The following CCSER1 variants were observed in gnomAD, a reference collection of about 807,000 sequenced individuals.
CCSER1 encodes serine-rich coiled-coil domain-containing protein 1.
A neutral mutation model predicts 82.0 loss-of-function variants in CCSER1; 41 were observed. The observed-to-expected ratio is 0.50, with a 90% confidence interval of 0.39 to 0.65. The LOEUF is 0.65. CCSER1 is among the 30% of genes least tolerant of loss of function. The pLI is 0.00. For synonymous variants in CCSER1, 414 were observed against 383.9 expected (o/e 1.08, Z -0.92); for missense variants, 1,119 against 1,064.2 (o/e 1.05, Z -0.72).
intron 3 of CCSER1, among the ~76,000 whole-genome samples, chr4:90,346,439 G>T (rs534828346): frequency 6.6e-6 from 1 of 151,738 alleles, no homozygotes; most frequent in African/African-American, 2.4e-5. Context: ...TTCAATTATA[G>T]CTAGATTGTC....
At chr4:90,833,947 C>T (rs1342009713) in intron 8 of CCSER1, among the ~76,000 whole-genome samples, 1 of 152,150 alleles carries the variant, frequency 6.6e-6, no homozygotes, top group African/African-American at 2.4e-5. Flanking sequence ...CTGTTTGCTT[C>T]TGCTTTCTGG....
At chr4:90,641,087 T>C (rs1726426190) in intron 6 of CCSER1, among the ~76,000 whole-genome samples, 2 of 152,258 alleles carry the variant, frequency 1.3e-5, no homozygotes, top group Admixed American at 1.3e-4. Context: ...CTAGATAATT[T>C]TAAGTTTTCC....
At chr4:90,295,756 A>C (rs1233762575) in intron 1 of CCSER1, among the ~76,000 whole-genome samples, 2 of 152,062 alleles carry the variant, frequency 1.3e-5, no homozygotes, top group Non-Finnish European at 2.9e-5. Flanking sequence ...AGTGCTCCAG[A>C]GCTTTCCCAT....
At chr4:91,004,308 C>CTAA (rs1015995009) in intron 9 of CCSER1, among the ~76,000 whole-genome samples, 3 of 152,190 alleles carry the variant, frequency 2.0e-5, no homozygotes, top group Non-Finnish European at 4.4e-5. Context: ...CTGCCACCTC[C>CTAA]TAAGCCTTTC....
At chr4:90,979,189 T>C (rs1486179188) in intron 9 of CCSER1, among the ~76,000 whole-genome samples, 1 of 151,390 alleles carries the variant, frequency 6.6e-6, no homozygotes, top group Non-Finnish European at 1.5e-5. Flanking sequence ...TATATGTATG[T>C]ATACAAAACA....
intron 4 of CCSER1, among the ~76,000 whole-genome samples, chr4:90,459,593 C>T (rs1687529743): frequency 6.6e-6 from 1 of 152,088 alleles, no homozygotes; most frequent in South Asian, 2.1e-4. Context: ...CTGATGGTTT[C>T]TAGATGGCTT....
chr4:90,695,064 TTA>T (rs201134203), intron 6 of CCSER1, among the ~76,000 whole-genome samples: 6 of 148,100 alleles, frequency 4.1e-5, no homozygotes, highest in South Asian at 4.2e-4. Flanking sequence ...TTATTTATAT[TTA>T]TATATATATG....
At chr4:91,584,787 GT>G (rs1763906499) in intron 10 of CCSER1, among the ~76,000 whole-genome samples, 1 of 150,970 alleles carries the variant, frequency 6.6e-6, no homozygotes, top group Admixed American at 6.6e-5. Flanking sequence ...AAAAATTATT[GT>G]TTTGCATTTT....
At chr4:90,899,463 T>C (rs1049474043) in intron 8 of CCSER1, among the ~76,000 whole-genome samples, 2 of 152,084 alleles carry the variant, frequency 1.3e-5, no homozygotes, top group Non-Finnish European at 2.9e-5. Context: ...GCCTGATTGC[T>C]CTGGCAAGGA....
chr4:90,242,497 A>G (rs1720534485), intron 1 of CCSER1, among the ~76,000 whole-genome samples: 1 of 152,224 alleles, frequency 6.6e-6, no homozygotes, highest in Non-Finnish European at 1.5e-5. Context: ...ACAAAAAAGC[A>G]TATGAAAAGG....
chr4:91,079,816 CAAAG>C (rs776662340), intron 9 of CCSER1, among the ~76,000 whole-genome samples: 4 of 152,154 alleles, frequency 2.6e-5, no homozygotes, highest in African/African-American at 7.2e-5. Context: ...TCAAAAGAGA[CAAAG>C]AAGACCTATG....
At chr4:91,147,043 A>C (rs1406699772) in intron 10 of CCSER1, among the ~76,000 whole-genome samples, 1 of 152,116 alleles carries the variant, frequency 6.6e-6, no homozygotes, top group Non-Finnish European at 1.5e-5. Context: ...TTTTCTCTCC[A>C]TTAAGAACAG....
In CCSER1 at chr4:90,682,223, C is replaced by T. The variant is rs572689524; in HGVS notation, c.1933-41691C>T. Among the ~76,000 whole-genome samples, 14 of 151,106 alleles carry T rather than the reference C, an allele frequency of 9.3e-5. No homozygotes were observed. In the East Asian group the frequency reaches 2.5e-3, roughly 27 times the overall value. On this transcript the variant is annotated intron_variant, in intron 6 of 10. Transcript: ENST00000509176. ...TTTATACTTATAAATTATAATAATT[C>T]CGCTTATATTGATTCATCATGAATT...
intron 10 of CCSER1, among the ~76,000 whole-genome samples, chr4:91,578,757 A>C (rs1356352790): frequency 6.6e-6 from 1 of 151,960 alleles, no homozygotes; most frequent in Non-Finnish European, 1.5e-5. Flanking sequence ...TCTGAGGAAT[A>C]TCTTTTTCCC....
intron 10 of CCSER1, among the ~76,000 whole-genome samples, chr4:91,456,776 G>C (rs1477737049): frequency 6.6e-6 from 1 of 151,824 alleles, no homozygotes; most frequent in African/African-American, 2.4e-5. Flanking sequence ...ACTTAAGTTG[G>C]TCAGGAACCA....
At chr4:90,629,425 C>A (rs943493132) in intron 6 of CCSER1, among the ~76,000 whole-genome samples, 2 of 152,156 alleles carry the variant, frequency 1.3e-5, no homozygotes, top group South Asian at 4.1e-4. Context: ...AGCAAAGTCA[C>A]GTCTTACACG....
At chr4:90,242,776 T>C (rs567959486) in intron 1 of CCSER1, among the ~76,000 whole-genome samples, 7 of 152,218 alleles carry the variant, frequency 4.6e-5, no homozygotes, top group African/African-American at 1.7e-4. Context: ...TTCACTAAGA[T>C]ACAAATTATT....
intron 10 of CCSER1, among the ~76,000 whole-genome samples, chr4:91,559,666 C>A (rs73838045): frequency 0.055 from 8,350 of 151,226 alleles, 248 homozygotes; most frequent in Middle Eastern, 0.075. Context: ...ATCTTAATTG[C>A]CTTAAGAAAA....
chr4:90,802,980 T>C (rs986084017), intron 7 of CCSER1, among the ~76,000 whole-genome samples: 1 of 152,160 alleles, frequency 6.6e-6, no homozygotes, highest in Non-Finnish European at 1.5e-5. Flanking sequence ...TTTTAATCTT[T>C]TGAATTTTTT....
Sources: allele counts gnomAD v4.1 joint callset (sites outside exome capture counted in the v4.1 genomes callset), GRCh38; gene constraint gnomAD v4.1.1; transcripts MANE v1.5; gene names NCBI Gene and HGNC (gene_info 2026-07-23, HGNC 2026-07-21).